The following C13orf42 variants were observed in gnomAD, a reference collection of about 807,000 sequenced individuals.
C13orf42 encodes the protein uncharacterized protein C13orf42.
intron 1 of C13orf42, among the ~76,000 whole-genome samples, chr13:51,165,867 T>C (rs1186797911): frequency 6.6e-6 from 1 of 152,216 alleles, no homozygotes; most frequent in East Asian, 1.9e-4. Context: ...ATATTTAAGG[T>C]ATATTTTTAA....
At chr13:51,142,460 T>C (rs956162713) in intron 1 of C13orf42, among the ~76,000 whole-genome samples, 1 of 152,032 alleles carries the variant, frequency 6.6e-6, no homozygotes, top group Non-Finnish European at 1.5e-5. Flanking sequence ...ATAAAGTAAT[T>C]AGGTAAATGT....
chr13:51,123,720 C>T (rs959480508), intron 1 of C13orf42, among the ~76,000 whole-genome samples: 1 of 152,160 alleles, frequency 6.6e-6, no homozygotes, highest in East Asian at 1.9e-4. Context: ...ATTTATTGAG[C>T]GCATGAATGA....
At chr13:51,124,530 C>A (rs1250611447) in intron 1 of C13orf42, among the ~76,000 whole-genome samples, 2 of 152,118 alleles carry the variant, frequency 1.3e-5, no homozygotes, top group Non-Finnish European at 2.9e-5. Flanking sequence ...CTCACTGAAT[C>A]TTCCTTTCCT....
chr13:51,168,965 T>C (rs1391771669), intron 1 of C13orf42, among the ~76,000 whole-genome samples: 1 of 152,216 alleles, frequency 6.6e-6, no homozygotes, highest in African/African-American at 2.4e-5. Context: ...CAGCCATGTT[T>C]CCTGTACAGC....
intron 1 of C13orf42, among the ~76,000 whole-genome samples, chr13:51,100,434 TAAG>T (rs968156211): frequency 2.0e-4 from 30 of 152,156 alleles, no homozygotes; most frequent in African/African-American, 5.8e-4. Context: ...TAACAAAATA[TAAG>T]AAGAAGTGTC....
At chr13:51,150,722 G>A (rs9526720) in intron 1 of C13orf42, among the ~76,000 whole-genome samples, 18,562 of 152,080 alleles carry the variant, frequency 0.12, 1,422 homozygotes, top group Non-Finnish European at 0.18. Context: ...AAAGATACTC[G>A]CAGAGAGACC....
At chr13:51,124,120 C>T (rs1301788893) in intron 1 of C13orf42, among the ~76,000 whole-genome samples, 1 of 152,136 alleles carries the variant, frequency 6.6e-6, no homozygotes, top group Non-Finnish European at 1.5e-5. Context: ...AACTGAATAA[C>T]CCCACCTGAA....
chr13:51,152,353 ATTTATTT>A (rs934868010), intron 1 of C13orf42, among the ~76,000 whole-genome samples: 3 of 152,092 alleles, frequency 2.0e-5, no homozygotes, highest in Non-Finnish European at 4.4e-5. Flanking sequence ...TCTTCCATTT[ATTTATTT>A]TTTAAGAGAT....
chr13:51,130,646 A>C (rs1953609067), intron 1 of C13orf42, among the ~76,000 whole-genome samples: 1 of 151,890 alleles, frequency 6.6e-6, no homozygotes, highest in Non-Finnish European at 1.5e-5. Flanking sequence ...GGACACATGG[A>C]GTTAGACAAC....
upstream of C13orf42, among the ~76,000 whole-genome samples, chr13:51,115,850 A>C (rs941528932): frequency 1.3e-5 from 2 of 152,242 alleles, no homozygotes; most frequent in Non-Finnish European, 2.9e-5. Context: ...TTCTGGTTGC[A>C]CTATGAATTC....
intron 1 of C13orf42, among the ~76,000 whole-genome samples, chr13:51,107,237 T>C (rs1181612792): frequency 2.0e-5 from 3 of 152,206 alleles, no homozygotes; most frequent in Admixed American, 1.3e-4. Context: ...GAAAGCCTCA[T>C]TCCAGAGCAT....
At chr13:51,162,255 C>G (rs1953871202) in intron 1 of C13orf42, 1 of 195,250 alleles carries the variant, frequency 5.1e-6, no homozygotes, top group African/African-American at 2.4e-5. Context: ...GCATAGTAAT[C>G]AGTTTTACCC....
intron 1 of C13orf42, among the ~76,000 whole-genome samples, chr13:51,165,904 G>C (rs1388607098): frequency 2.0e-5 from 3 of 152,200 alleles, no homozygotes; most frequent in African/African-American, 7.2e-5. Flanking sequence ...CAAATGTAGA[G>C]ACTCCCAAAT....
chr13:51,096,732 T>C (rs1390938702), intron 1 of C13orf42, among the ~76,000 whole-genome samples: 1 of 152,214 alleles, frequency 6.6e-6, no homozygotes, highest in African/African-American at 2.4e-5. Flanking sequence ...CTTTTCTGTG[T>C]GATTATGCCT....
At chr13:51,167,027 C>A (rs919477900) in intron 1 of C13orf42, among the ~76,000 whole-genome samples, 1 of 151,422 alleles carries the variant, frequency 6.6e-6, no homozygotes, top group African/African-American at 2.4e-5. Context: ...TGCAGTGAGC[C>A]GAGATCGTGC....
At chr13:51,167,637 C>T (rs1302877282) in intron 1 of C13orf42, among the ~76,000 whole-genome samples, 1 of 152,112 alleles carries the variant, frequency 6.6e-6, no homozygotes, top group Admixed American at 6.5e-5. Context: ...CTTTGTGATA[C>T]AAAATGACAG....
chr13:51,094,607 C>G (rs1046292003), intron 1 of C13orf42, among the ~76,000 whole-genome samples: 4 of 152,100 alleles, frequency 2.6e-5, no homozygotes, highest in Non-Finnish European at 5.9e-5. Flanking sequence ...AAGTTTCTAT[C>G]TGGTACCACA....
chr13:51,082,663 C>G lies in C13orf42; in HGVS notation c.*1488G>C, dbSNP rs1953076721. 6.6e-5 allele frequency: 10 copies of G among 152,336 alleles called. No homozygotes were observed. The South Asian group carries it at 2.1e-3, about 32-fold the overall frequency. 9.4% of individuals were successfully genotyped at this position (152,336 alleles called of 1,614,324 possible). On this transcript the variant is annotated 3_prime_UTR_variant, in exon 4 of 4. Transcript: ENST00000563710. ...CTTTAATGCAGTTTATAAAACAAAT[C>G]TCCTAAACATTTACTTTCCAGTCAA...
chr13:51,086,122 C>T (rs1262452333), intron 2 of C13orf42, among the ~76,000 whole-genome samples: 6 of 151,716 alleles, frequency 4.0e-5, no homozygotes, highest in Admixed American at 6.6e-5. Context: ...CTGGCTAACA[C>T]GGTGAAACCC....
Sources: allele counts gnomAD v4.1 joint callset (sites outside exome capture counted in the v4.1 genomes callset), GRCh38; gene constraint gnomAD v4.1.1; transcripts MANE v1.5; gene names NCBI Gene and HGNC (gene_info 2026-07-23, HGNC 2026-07-21).